The following IRF8 variants were observed in gnomAD, a reference collection of about 807,000 sequenced individuals.
The protein encoded by IRF8 is interferon consensus sequence binding protein 1.
IRF8 carries 14 observed loss-of-function variants against 48.7 expected under a neutral mutation model. The ratio of observed to expected loss-of-function variants is 0.29; its 90% CI spans 0.19 to 0.45. The LOEUF is 0.45. Among genes scored for constraint, IRF8 ranks in the 20% least tolerant of loss-of-function variants. IRF8 has a pLI of 1.00. For synonymous variants in IRF8, 278 were observed against 227.3 expected (o/e 1.22, Z -2.01); for missense variants, 493 against 580.7 (o/e 0.85, Z 1.55).
chr16:85,921,146 G>A lies in IRF8; in HGVS notation c.1145G>A (p.Gly382Glu). Residue 382 changes from glycine (G) to glutamate (E), a missense_variant, in exon 9 of 9, where the codon GGG (glycine) becomes GAG (glutamate). Physicochemically the swap from Gly to Glu is moderately conservative, Grantham distance 98. Around this residue, in one of 3 missense-constraint regions of IRF8, gnomAD observed 408 missense variants for 449.6 expected, o/e 0.91. Transcript: ENST00000268638. The part of the protein sequence containing the change: ...LYVRQLAEEA[G>E]KSCGAGSVMQ... ...GTCCGGCAACTGGCAGAAGAGGCTG[G>A]GAAGAGCTGTGGAGCCGGCTCTGTG... 1 of 1,614,120 alleles carries A rather than the reference G, an allele frequency of 6.2e-7. No individual in the cohort carries two copies. Among genetic ancestry groups the A allele is most frequent in the Non-Finnish European group, 8.5e-7 (1 of 1,180,030 alleles).
chr16:85,918,675 T>C lies in IRF8; in HGVS notation c.860T>C (p.Val287Ala). Residue 287 changes from valine (V) to alanine (A), a missense_variant, in exon 7 of 9, where the codon GTG (valine) becomes GCG (alanine). Around this residue, in one of 3 missense-constraint regions of IRF8, gnomAD observed 408 missense variants for 449.6 expected, o/e 0.91. Coordinates refer to ENST00000268638, the MANE Select transcript of IRF8 (RefSeq NM_002163.4). The part of the protein sequence containing the change: ...GVLLHSSRQG[V>A]FVKRLCQGRV... ...CTGCTGCACAGCAGCCGGCAGGGCG[T>C]GTTCGTCAAGCGGCTGTGCCAGGGC... is the stretch of plus-strand genomic sequence containing the variant. The C allele has an allele frequency of 1.2e-6, 2 of 1,611,288 alleles. No homozygotes were observed. Among genetic ancestry groups the C allele is most frequent in the Non-Finnish European group, 1.7e-6 (2 of 1,179,852 alleles).
intron 2 of IRF8, among the ~76,000 whole-genome samples, chr16:85,906,889 C>T (rs914447637): frequency 3.3e-5 from 5 of 152,126 alleles, no homozygotes; most frequent in Admixed American, 2.0e-4. Flanking sequence ...AGGACCACCC[C>T]GCCACAAAGA....
intron 6 of IRF8, among the ~76,000 whole-genome samples, chr16:85,915,375 A>C (rs1905270346): frequency 6.6e-6 from 1 of 152,196 alleles, no homozygotes; most frequent in African/African-American, 2.4e-5. Context: ...AGGGGAGGAA[A>C]TGGGGCAGGG....
At chr16:85,912,980 G>T in intron 4 of IRF8, 151 bp from the exon 5 acceptor site, 1 of 745,564 alleles carries the variant, frequency 1.3e-6, no homozygotes, top group Non-Finnish European at 2.4e-6. Context: ...GGCCTTTCAG[G>T]TTGCAAAGTG....
intron 2 of IRF8, among the ~76,000 whole-genome samples, chr16:85,905,964 C>G (rs142087028): frequency 5.0e-4 from 76 of 152,298 alleles, no homozygotes; most frequent in African/African-American, 1.8e-3. Context: ...AAACATTGAG[C>G]TCATTTTGTA....
intron 8 of IRF8, among the ~76,000 whole-genome samples, chr16:85,920,517 C>T (rs1263935434): frequency 3.3e-5 from 5 of 152,118 alleles, no homozygotes; most frequent in Admixed American, 1.3e-4. Flanking sequence ...GGATTACAGG[C>T]GTGAGCCACC....
chr16:85,914,091 G>A (rs1473859720), intron 5 of IRF8: 3 of 309,108 alleles, frequency 9.7e-6, no homozygotes, highest in East Asian at 8.4e-5. Context: ...AACACCATCC[G>A]GAAAGCTAGC....
At chr16:85,903,410 T>C (rs1208466791) in intron 2 of IRF8, 4 of 565,852 alleles carry the variant, frequency 7.1e-6, no homozygotes, top group East Asian at 3.1e-5. Flanking sequence ...GCTTGTATTC[T>C]GATGAGGAGA....
Position 85,913,314 on chromosome 16 carries a change from G to C in IRF8, c.553+78G>C, listed in dbSNP as rs911717301. 9.8e-6 allele frequency: 10 copies of C among 1,021,912 alleles called. No individual in the cohort carries two copies. In the African/African-American group the frequency reaches 1.1e-4, roughly 11 times the overall value. 63.3% of individuals were successfully genotyped at this position (1,021,912 alleles called of 1,614,324 possible). A position where few individuals can be genotyped will look rare whatever the true frequency, so the allele number is the denominator to read the frequency against. On this transcript the variant is annotated intron_variant, in intron 5 of 8. Transcript: ENST00000268638. ...GCATTCCACCAGCCAGGGACGGAGT[G>C]GGGGTGGTTGTTGCTATCATGATCC...
intron 6 of IRF8, among the ~76,000 whole-genome samples, chr16:85,916,850 C>T (rs28407896): frequency 0.064 from 9,776 of 151,890 alleles, 995 homozygotes; most frequent in African/African-American, 0.22. Flanking sequence ...GCGAGACCAG[C>T]GGGGAAGATG....
In IRF8 at chr16:85,906,210, C is replaced by A. The variant is rs551960878; in HGVS notation, c.175-2780C>A. ...ATAGCATTTAATTAAAAAAATGCAA[C>A]ATGAAACAATCATATTAAATTAGGA... On this transcript the variant is annotated intron_variant, in intron 2 of 8. Transcript: ENST00000268638. 4.6e-5 allele frequency among the ~76,000 whole-genome samples: 7 copies of A among 152,242 alleles called. No individual in the cohort carries two copies. In the South Asian group the frequency reaches 8.3e-4, roughly 18 times the overall value.
At chr16:85,919,232 CT>C (rs1295679321) in intron 7 of IRF8, among the ~76,000 whole-genome samples, 1 of 152,208 alleles carries the variant, frequency 6.6e-6, no homozygotes, top group Non-Finnish European at 1.5e-5. Flanking sequence ...GACACGCTGA[CT>C]TTCCGCACAC....
At chr16:85,909,246 TCTGGG>T (rs771758650) in intron 3 of IRF8, 73 bp downstream of exon 3, 3 of 1,283,220 alleles carry the variant, frequency 2.3e-6, no homozygotes, top group Non-Finnish European at 3.4e-6. Context: ...AGAACTTGGG[TCTGGG>T]GTAGACACAG....
At chr16:85,899,595 T>A (rs1597247378) in intron 1 of IRF8, among the ~76,000 whole-genome samples, 1 of 152,294 alleles carries the variant, frequency 6.6e-6, no homozygotes, top group East Asian at 1.9e-4. Context: ...CCACGTGGAA[T>A]AATGCTTGGA....
At chr16:85,904,878 TA>T (rs1018131218) in intron 2 of IRF8, among the ~76,000 whole-genome samples, 1 of 148,852 alleles carries the variant, frequency 6.7e-6, no homozygotes. Flanking sequence ...ACTGCAAATG[TA>T]AACAGTGCCA....
chr16:85,918,647 G>T lies in IRF8; in HGVS notation c.832G>T (p.Val278Leu), dbSNP rs1157572044. 1 of 1,609,600 alleles carries T rather than the reference G, an allele frequency of 6.2e-7. No homozygotes were observed. Among genetic ancestry groups the T allele is most frequent in the Admixed American group, 1.7e-5 (1 of 59,996 alleles). Residue 278 changes from valine to leucine, a missense_variant, in exon 7 of 9, where the codon GTG becomes TTG. Coordinates refer to ENST00000268638, the MANE Select transcript of IRF8 (RefSeq NM_002163.4). ...GCTGTTCGGGCACCTGGAGCGCGGG[G>T]TGCTGCTGCACAGCAGCCGGCAGGG... is the stretch of plus-strand genomic sequence containing the variant. ...RKLFGHLERG[V>L]LLHSSRQGVF...
intron 6 of IRF8, among the ~76,000 whole-genome samples, chr16:85,914,995 G>A (rs1054836496): frequency 6.6e-6 from 1 of 152,234 alleles, no homozygotes; most frequent in African/African-American, 2.4e-5. Flanking sequence ...GCCAGCGTCT[G>A]TCCCAGCGCT....
chr16:85,904,812 C>CTTTTTTTTTTTTTT lies in IRF8; in HGVS notation c.174+1630_174+1643dup, dbSNP rs1177860791. 5.4e-4 allele frequency among the ~76,000 whole-genome samples: 47 copies of CTTTTTTTTTTTTTT among 87,628 alleles called. 1 individual carries two copies. Among genetic ancestry groups the CTTTTTTTTTTTTTT allele is most frequent in the East Asian group, 2.2e-3 (6 of 2,684 alleles). The allele number at this position is 87,628 out of a possible 152,430, so 57.5% of individuals were successfully genotyped here. A position where few individuals can be genotyped will look rare whatever the true frequency, so the allele number is the denominator to read the frequency against. ...ATTTCTCTCTTGTTTGATTGCAGATCTTTTTTTTTTTTTTTTTTTTGCCTT... is the reference window on the plus strand; with the variant it reads ...ATTTCTCTCTTGTTTGATTGCAGATCTTTTTTTTTTTTTTTTTTTTTTTTTTTTTTTTTTGCCTT... On this transcript the variant is annotated intron_variant, in intron 2 of 8. Transcript: ENST00000268638.
In IRF8 at chr16:85,918,776, G is replaced by A; in HGVS notation, c.961G>A (p.Val321Ile). ...NKLERDEVVQ[V>I]FDTSQFFREL... Reference sequence around the variant, plus strand: ...GCTGGAGCGTGATGAGGTGGTCCAGGTCTTCGACACCAGCCAGTTCTTCCG... The same window carrying A: ...GCTGGAGCGTGATGAGGTGGTCCAGATCTTCGACACCAGCCAGTTCTTCCG... Residue 321 changes from valine to isoleucine, a missense_variant, in exon 7 of 9, where the codon GTC (valine) becomes ATC (isoleucine). By Grantham distance (29) the Val-to-Ile change is conservative. Transcript: ENST00000268638. 6.2e-7 allele frequency: 1 copy of A among 1,610,622 alleles called. No individual in the cohort carries two copies. Among genetic ancestry groups the A allele is most frequent in the Non-Finnish European group, 8.5e-7 (1 of 1,180,030 alleles).
Sources: gnomAD v4.1 joint callset for allele counts (sites outside exome capture counted in the v4.1 genomes callset) on GRCh38, gnomAD v4.1.1 for gene constraint, gnomAD v4.1.1 regional missense constraint, MANE v1.5 for transcripts, NCBI Gene and HGNC (gene_info 2026-07-23, HGNC 2026-07-21) for gene names.